The following CHST9 variants were observed in gnomAD, a reference collection of about 807,000 sequenced individuals.
CHST9 encodes GalNAc-4-sulfotransferase 2.
A neutral mutation model predicts 44.4 loss-of-function variants in CHST9; 41 were observed. That is an observed-to-expected ratio of 0.92 (90% CI 0.72 to 1.20). The LOEUF is 1.20. CHST9 is among the 50% of genes most tolerant of loss of function. The pLI, the probability that CHST9 is intolerant of heterozygous loss-of-function variation, is 0.00. For synonymous variants in CHST9, 171 were observed against 178.4 expected (o/e 0.96, Z 0.33); for missense variants, 504 against 516.5 (o/e 0.98, Z 0.23).
chr18:26,969,249 G>A (rs575259187), intron 4 of CHST9, among the ~76,000 whole-genome samples: 27 of 152,078 alleles, frequency 1.8e-4, no homozygotes, highest in Admixed American at 1.2e-3. Context: ...TGATCCACCC[G>A]CCTCAGCTTC....
intron 4 of CHST9, chr18:26,952,404 A>G (rs564303678): frequency 3.3e-5 from 15 of 449,472 alleles, no homozygotes; most frequent in South Asian, 2.4e-4. Flanking sequence ...TTTTGTACAT[A>G]GAGACTGCCT....
intron 4 of CHST9, among the ~76,000 whole-genome samples, chr18:26,993,292 T>C (rs1011481834): frequency 1.3e-5 from 2 of 152,338 alleles, no homozygotes; most frequent in African/African-American, 4.8e-5. Context: ...TGAGCTTTTT[T>C]TTAAAATAGG....
intron 2 of CHST9, among the ~76,000 whole-genome samples, chr18:27,063,047 G>C (rs183495822): frequency 1.3e-5 from 2 of 152,274 alleles, no homozygotes; most frequent in African/African-American, 4.8e-5. Flanking sequence ...AAACACCAAG[G>C]GTAGTTCCTG....
chr18:26,989,590 T>G (rs1568123048), intron 4 of CHST9, among the ~76,000 whole-genome samples: 1 of 152,206 alleles, frequency 6.6e-6, no homozygotes, highest in East Asian at 1.9e-4. Flanking sequence ...CCAAGAGAAA[T>G]AAAAGAATGT....
intron 2 of CHST9, among the ~76,000 whole-genome samples, chr18:27,138,378 A>G (rs2058534694): frequency 6.6e-6 from 1 of 152,132 alleles, no homozygotes; most frequent in African/African-American, 2.4e-5. Context: ...CCCCTGGACA[A>G]TGACCTCTCT....
At chr18:26,966,963 A>G (rs1301540667) in intron 4 of CHST9, among the ~76,000 whole-genome samples, 4 of 151,474 alleles carry the variant, frequency 2.6e-5, no homozygotes, top group Non-Finnish European at 4.4e-5. Flanking sequence ...CAGTTGGTAG[A>G]TATCTCGGGT....
At chr18:27,046,791 C>T (rs1485804) in intron 3 of CHST9, among the ~76,000 whole-genome samples, 1 of 152,048 alleles carries the variant, frequency 6.6e-6, no homozygotes, top group East Asian at 1.9e-4. Flanking sequence ...TAACATTCCC[C>T]TAGAATATGG....
chr18:27,141,877 A>G (rs964592506), intron 2 of CHST9, among the ~76,000 whole-genome samples: 3 of 152,138 alleles, frequency 2.0e-5, no homozygotes, highest in African/African-American at 7.2e-5. Flanking sequence ...AGAACTTCAC[A>G]AGATCTGTAT....
chr18:27,131,499 C>T (rs773522053), intron 2 of CHST9, among the ~76,000 whole-genome samples: 3 of 152,036 alleles, frequency 2.0e-5, no homozygotes, highest in Admixed American at 1.3e-4. Context: ...TGCAGTGAGC[C>T]AAGATCGCAC....
intron 2 of CHST9, among the ~76,000 whole-genome samples, chr18:27,063,777 G>C (rs1180405492): frequency 6.7e-6 from 1 of 149,798 alleles, no homozygotes; most frequent in Non-Finnish European, 1.5e-5. Flanking sequence ...TTTCAAAAAA[G>C]TTATGAGATT....
At chr18:26,996,842 A>C (rs1285891420) in intron 4 of CHST9, among the ~76,000 whole-genome samples, 1 of 152,208 alleles carries the variant, frequency 6.6e-6, no homozygotes, top group Non-Finnish European at 1.5e-5. Flanking sequence ...ACTATGCCTA[A>C]TCTCTTAATT....
intron 2 of CHST9, among the ~76,000 whole-genome samples, chr18:27,123,282 C>G (rs1329476537): frequency 6.6e-6 from 1 of 152,112 alleles, no homozygotes; most frequent in Non-Finnish European, 1.5e-5. Flanking sequence ...TCCATACACC[C>G]ATACTCTGAC....
Position 26,917,117 on chromosome 18 carries a change from T to G in CHST9, c.474A>C (p.Leu158Phe). Residue 158 changes from leucine (L) to phenylalanine (F), a missense_variant, in exon 6 of 6, where the codon TTA (leucine) becomes TTC (phenylalanine). Leu to Phe is a conservative substitution (Grantham distance 22, BLOSUM62 0). Transcript: ENST00000618847. ...NMNWPVDIHP[L>F]NKSLVKDNKW... ...TATTATCTTTGACTAAACTTTTGTT[T>G]AAAGGGTGAATGTCCACTGGCCAAT... The G allele has an allele frequency of 6.2e-7, 1 of 1,613,972 alleles. No homozygotes were observed.
chr18:27,087,727 T>TA (rs1598712836), intron 2 of CHST9, among the ~76,000 whole-genome samples: 1 of 152,210 alleles, frequency 6.6e-6, no homozygotes. Flanking sequence ...CCTTATTAGC[T>TA]AACAATAGCT....
intron 4 of CHST9, among the ~76,000 whole-genome samples, chr18:26,968,164 G>A (rs916528032): frequency 3.3e-5 from 5 of 152,028 alleles, no homozygotes; most frequent in Non-Finnish European, 7.4e-5. Flanking sequence ...ACTTTCCTTC[G>A]TATATGCATC....
intron 3 of CHST9, among the ~76,000 whole-genome samples, chr18:27,026,878 T>C (rs940256980): frequency 6.6e-6 from 1 of 152,244 alleles, no homozygotes; most frequent in African/African-American, 2.4e-5. Context: ...ATTTAGATAA[T>C]CAAATAAAAT....
chr18:26,993,611 A>T (rs1443823660), intron 4 of CHST9, among the ~76,000 whole-genome samples: 1 of 152,210 alleles, frequency 6.6e-6, no homozygotes, highest in East Asian at 1.9e-4. Context: ...AAGAAAGACA[A>T]CTAAAGAAAG....
At chr18:26,980,884 T>C (rs1254335437) in intron 4 of CHST9, among the ~76,000 whole-genome samples, 1 of 152,208 alleles carries the variant, frequency 6.6e-6, no homozygotes, top group Non-Finnish European at 1.5e-5. Context: ...ATATGCTATG[T>C]CCTAAATCCC....
At chr18:26,923,230 G>C (rs2055695971) in intron 5 of CHST9, among the ~76,000 whole-genome samples, 1 of 152,228 alleles carries the variant, frequency 6.6e-6, no homozygotes, top group African/African-American at 2.4e-5. Flanking sequence ...ACTATTGGAA[G>C]CTGGGAGAGC....
Sources: gnomAD v4.1 joint callset for allele counts (sites outside exome capture counted in the v4.1 genomes callset) on GRCh38, gnomAD v4.1.1 for gene constraint, MANE v1.5 for transcripts, NCBI Gene and HGNC (gene_info 2026-07-23, HGNC 2026-07-21) for gene names.